ZNF536: variants seen among roughly 807,000 people sequenced by gnomAD.
ZNF536 encodes the protein zinc finger protein 536.
A neutral mutation model predicts 84.5 loss-of-function variants in ZNF536; 13 were observed. That is an observed-to-expected ratio of 0.15 (90% confidence interval 0.10 to 0.24). The LOEUF is 0.24. ZNF536 is among the 10% of genes least tolerant of loss of function. ZNF536 has a pLI of 1.00. For missense variants in ZNF536, 1,536 were observed against 1,747.5 expected, an observed-to-expected ratio of 0.88 and a Z score of 2.16; for synonymous variants, 811 against 742.5, an observed-to-expected ratio of 1.09 and a Z score of -1.50.
intron 2 of ZNF536, among the ~76,000 whole-genome samples, chr19:30,468,169 A>C (rs569505470): frequency 6.6e-6 from 1 of 152,006 alleles, no homozygotes; most frequent in African/African-American, 2.4e-5. Flanking sequence ...GGAAGTTCAG[A>C]CCTCCCCTTC....
chr19:30,696,170 G>C (rs1189910644), intron 1 of ZNF536, among the ~76,000 whole-genome samples: 1 of 152,192 alleles, frequency 6.6e-6, no homozygotes, highest in African/African-American at 2.4e-5. Flanking sequence ...TGGTCAGCTT[G>C]GTTCCATTTA....
chr19:30,328,747 T>C (rs957625777), intron 2 of ZNF536, among the ~76,000 whole-genome samples: 4 of 152,258 alleles, frequency 2.6e-5, no homozygotes, highest in African/African-American at 9.6e-5. Context: ...TGTTCATAGA[T>C]GTGAATTGGG....
chr19:30,496,525 C>T (rs533868227), intron 2 of ZNF536, among the ~76,000 whole-genome samples: 1 of 152,316 alleles, frequency 6.6e-6, no homozygotes, highest in South Asian at 2.1e-4. Flanking sequence ...TAATGAGTAT[C>T]AGCAGAGGGA....
At chr19:30,317,334 C>T (rs547747774) in intron 2 of ZNF536, among the ~76,000 whole-genome samples, 1 of 152,290 alleles carries the variant, frequency 6.6e-6, no homozygotes, top group East Asian at 1.9e-4. Flanking sequence ...TTCTTAGCCA[C>T]CCATGATCTC....
intron 1 of ZNF536, among the ~76,000 whole-genome samples, chr19:30,248,137 T>C (rs1324053432): frequency 6.6e-6 from 1 of 152,190 alleles, no homozygotes; most frequent in Non-Finnish European, 1.5e-5. Flanking sequence ...AGGAAATGAC[T>C]GATTGGTCAA....
chr19:30,340,433 C>T (rs1040030041), intron 2 of ZNF536, among the ~76,000 whole-genome samples: 2 of 151,714 alleles, frequency 1.3e-5, no homozygotes, highest in African/African-American at 4.9e-5. Flanking sequence ...GTGTCAATAT[C>T]CCCTAAGAAC....
At chr19:30,331,190 A>G (rs1458733187) in intron 2 of ZNF536, among the ~76,000 whole-genome samples, 2 of 146,196 alleles carry the variant, frequency 1.4e-5, no homozygotes, top group Admixed American at 7.0e-5. Flanking sequence ...AGGCTGAGGC[A>G]GGAGGATTGC....
chr19:30,482,780 T>G (rs1165319232), intron 2 of ZNF536, among the ~76,000 whole-genome samples: 2 of 152,120 alleles, frequency 1.3e-5, no homozygotes, highest in Non-Finnish European at 2.9e-5. Flanking sequence ...CAGAGTGAAA[T>G]GTTCTATCAG....
intron 1 of ZNF536, among the ~76,000 whole-genome samples, chr19:30,669,475 G>A (rs2050460147): frequency 6.6e-6 from 1 of 152,184 alleles, no homozygotes; most frequent in African/African-American, 2.4e-5. Flanking sequence ...AAGAAAGAAG[G>A]GACAGGCTCC....
intron 1 of ZNF536, among the ~76,000 whole-genome samples, chr19:30,669,358 C>T (rs2050454677): frequency 6.6e-6 from 1 of 152,228 alleles, no homozygotes. Flanking sequence ...ATGGCTGAGT[C>T]CTGTGCCTGC....
chr19:30,235,621 T>G (rs898309745), intron 1 of ZNF536, among the ~76,000 whole-genome samples: 3 of 152,242 alleles, frequency 2.0e-5, no homozygotes, highest in Non-Finnish European at 4.4e-5. Flanking sequence ...TAGAAACACT[T>G]ATCCCTTATT....
chr19:30,609,008 A>G (rs2047997599), intron 1 of ZNF536, among the ~76,000 whole-genome samples: 1 of 152,198 alleles, frequency 6.6e-6, no homozygotes, highest in Non-Finnish European at 1.5e-5. Flanking sequence ...TGTCTCTCTC[A>G]TCTTGGCTTG....
Position 30,405,715 on chromosome 19 carries a change from G to A in ZNF536, c.-3+33159G>A, listed in dbSNP as rs186800531. On this transcript the variant is annotated intron_variant, in intron 1 of 4. Transcript: ENST00000355537. Reference sequence around the variant, plus strand: ...GAATCGTTTTCCACCTTTGCATCCTGCCTACTGGAAATTGGATTACTTACT... The same window carrying A: ...GAATCGTTTTCCACCTTTGCATCCTACCTACTGGAAATTGGATTACTTACT... 2.8e-3 allele frequency among the ~76,000 whole-genome samples: 422 copies of A among 152,160 alleles called. 1 individual carries two copies. Among genetic ancestry groups the A allele is most frequent in the Non-Finnish European group, 5.2e-3 (351 of 68,006 alleles).
At chr19:30,434,079 G>A (rs1007441829) in intron 1 of ZNF536, among the ~76,000 whole-genome samples, 3 of 152,184 alleles carry the variant, frequency 2.0e-5, no homozygotes, top group South Asian at 2.1e-4. Context: ...AGGTCACACC[G>A]ATTCTAGTGG....
chr19:30,239,132 G>A (rs1384591167), intron 1 of ZNF536, among the ~76,000 whole-genome samples: 1 of 152,222 alleles, frequency 6.6e-6, no homozygotes, highest in Non-Finnish European at 1.5e-5. Context: ...CTTTTGGAAA[G>A]TAGGGAATGC....
At chr19:30,345,417 A>G (rs1334313359) in intron 2 of ZNF536, among the ~76,000 whole-genome samples, 1 of 152,224 alleles carries the variant, frequency 6.6e-6, no homozygotes, top group East Asian at 1.9e-4. Context: ...GGGATATAAA[A>G]TTTCCACTGG....
intron 1 of ZNF536, among the ~76,000 whole-genome samples, chr19:30,582,277 T>G (rs374552198): frequency 1.2e-4 from 18 of 152,052 alleles, no homozygotes; most frequent in African/African-American, 4.3e-4. Flanking sequence ...AGCCTGTGGG[T>G]GTGATTCTAC....
intron 2 of ZNF536, among the ~76,000 whole-genome samples, chr19:30,312,104 G>A (rs1221329017): frequency 6.6e-6 from 1 of 152,172 alleles, no homozygotes; most frequent in African/African-American, 2.4e-5. Context: ...TTGAATGAGT[G>A]AGTCTCACTT....
At chr19:30,537,944 A>G (rs2045159469) in intron 3 of ZNF536, among the ~76,000 whole-genome samples, 1 of 152,264 alleles carries the variant, frequency 6.6e-6, no homozygotes, top group South Asian at 2.1e-4. Flanking sequence ...CTTTTTATCT[A>G]AGAACAAAGA....
Sources: gnomAD v4.1 joint callset for allele counts (sites outside exome capture counted in the v4.1 genomes callset) on GRCh38, gnomAD v4.1.1 for gene constraint, MANE v1.5 for transcripts, NCBI Gene and HGNC (gene_info 2026-07-23, HGNC 2026-07-21) for gene names.